PRKG2: variants seen among roughly 807,000 people sequenced by gnomAD.
PRKG2 encodes the protein cGMP-dependent protein kinase 2.
A neutral mutation model predicts 97.2 loss-of-function variants in PRKG2; 33 were observed. That is an observed-to-expected ratio of 0.34 (90% CI 0.26 to 0.45). The LOEUF (loss-of-function observed/expected upper bound fraction) is 0.45. Ranked by LOEUF, PRKG2 falls within the 20% of genes least tolerant of loss-of-function variation. PRKG2 has a pLI of 1.00. For missense variants in PRKG2, 638 were observed against 900.0 expected, an observed-to-expected ratio of 0.71 and a Z score of 3.73; for synonymous variants, 330 against 321.8, an observed-to-expected ratio of 1.03 and a Z score of -0.27.
intron 17 of PRKG2, among the ~76,000 whole-genome samples, chr4:81,098,015 T>C (rs1742300316): frequency 6.6e-6 from 1 of 152,154 alleles, no homozygotes; most frequent in Non-Finnish European, 1.5e-5. Context: ...ATTGAAGTAC[T>C]GATCTTGGGT....
chr4:81,091,725 C>T (rs1327063172), intron 18 of PRKG2, among the ~76,000 whole-genome samples: 1 of 152,122 alleles, frequency 6.6e-6, no homozygotes, highest in South Asian at 2.1e-4. Flanking sequence ...TTGGAAAAAA[C>T]ACTAACATAA....
rs374041902 is a variant in PRKG2, at chr4:81,174,767, T to C, written c.628+26A>G. ...CATAACAGGCAAAATATTTATTATATATCTGGAAAAATCTGTGAAACCCAC... is the reference window on the plus strand; with the variant it reads ...CATAACAGGCAAAATATTTATTATACATCTGGAAAAATCTGTGAAACCCAC... On this transcript the variant is annotated intron_variant, in intron 3 of 18. Transcript: ENST00000264399. 4 of 1,579,572 alleles carry C rather than the reference T, an allele frequency of 2.5e-6. No homozygotes were observed. In the African/African-American group the frequency reaches 5.5e-5, roughly 22 times the overall value.
At chr4:81,205,102 C>T (rs1753574591) in intron 1 of PRKG2, 42 bp from the exon 2 acceptor site, 2 of 1,277,686 alleles carry the variant, frequency 1.6e-6, no homozygotes, top group Non-Finnish European at 2.2e-6. Flanking sequence ...TGGAGTTTCA[C>T]TTCCCAACAG....
rs374022920 is a variant in PRKG2 at position 81,118,800 on chromosome 4, G to T, written c.1777-8189C>A. On this transcript the variant is annotated intron_variant, in intron 14 of 18. Coordinates refer to ENST00000264399, the MANE Select transcript of PRKG2 (RefSeq NM_006259.3). ...AAGTTTTCGTTTGGTTTGTTTGTTT[G>T]TTTGTTTGTTTTGAGACAGGGTCTC... Among the ~76,000 whole-genome samples the T allele has an allele frequency of 3.2e-4, 49 of 152,066 alleles. 1 individual carries two copies. Among genetic ancestry groups the T allele is most frequent in the African/African-American group, 1.1e-3 (45 of 41,492 alleles).
intron 18 of PRKG2, 85 bp downstream of exon 18, chr4:81,092,301 G>T: frequency 2.6e-6 from 2 of 782,226 alleles, no homozygotes; most frequent in Non-Finnish European, 4.0e-6. Flanking sequence ...TCTGTTATGG[G>T]CATATACATA....
At chr4:81,135,086 C>T (rs1292996430) in intron 14 of PRKG2, 69 bp downstream of exon 14, 2 of 1,429,198 alleles carry the variant, frequency 1.4e-6, no homozygotes, top group Non-Finnish European at 9.4e-7. Context: ...AAGAAAATTG[C>T]AACTAGAACA....
upstream of PRKG2, among the ~76,000 whole-genome samples, chr4:81,217,801 T>A (rs1354957196): frequency 6.6e-6 from 1 of 152,204 alleles, no homozygotes; most frequent in African/African-American, 2.4e-5. Context: ...GCTTAAATTA[T>A]AAGGAAACTT....
intron 3 of PRKG2, among the ~76,000 whole-genome samples, chr4:81,172,124 A>G (rs898939800): frequency 2.0e-5 from 3 of 152,026 alleles, no homozygotes; most frequent in African/African-American, 7.2e-5. Flanking sequence ...AACAATGGCT[A>G]GTGCATAGTA....
chr4:81,091,467 T>A (rs2109937326), intron 18 of PRKG2, among the ~76,000 whole-genome samples: 1 of 151,954 alleles, frequency 6.6e-6, no homozygotes, highest in African/African-American at 2.4e-5. Flanking sequence ...TTATTTTTAG[T>A]AGAGACAGGG....
intron 2 of PRKG2, among the ~76,000 whole-genome samples, chr4:81,185,106 C>T (rs1751755031): frequency 6.6e-6 from 1 of 152,118 alleles, no homozygotes; most frequent in South Asian, 2.1e-4. Context: ...GGGCAACAAT[C>T]AAATTCAGGA....
chr4:81,132,991 T>C (rs1173014854), intron 14 of PRKG2, among the ~76,000 whole-genome samples: 4 of 152,170 alleles, frequency 2.6e-5, no homozygotes, highest in Admixed American at 1.3e-4. Flanking sequence ...ATTCATGTTT[T>C]TTAATGCTGG....
chr4:81,173,802 A>G (rs2110086226), intron 3 of PRKG2: 1 of 152,204 alleles, frequency 6.6e-6, no homozygotes, highest in Admixed American at 6.5e-5. Flanking sequence ...AAGGAACAAG[A>G]ATAAAAGCAA....
intron 6 of PRKG2, among the ~76,000 whole-genome samples, chr4:81,156,388 A>C (rs1749095005): frequency 6.6e-6 from 1 of 152,194 alleles, no homozygotes; most frequent in Admixed American, 6.5e-5. Flanking sequence ...AACTATCCTA[A>C]ATATATATGC....
intron 6 of PRKG2, among the ~76,000 whole-genome samples, chr4:81,158,088 G>A (rs1332797086): frequency 6.8e-6 from 1 of 147,582 alleles, no homozygotes; most frequent in Admixed American, 6.6e-5. Context: ...AGGGCAATTA[G>A]GCAGGAGAAG....
At chr4:81,119,533 T>C (rs993980275) in intron 14 of PRKG2, among the ~76,000 whole-genome samples, 1 of 152,194 alleles carries the variant, frequency 6.6e-6, no homozygotes, top group Admixed American at 6.5e-5. Flanking sequence ...TGTCTTGACA[T>C]TGGGAAGTGT....
chr4:81,138,441 C>A (rs1373046658), intron 12 of PRKG2, among the ~76,000 whole-genome samples: 2 of 152,138 alleles, frequency 1.3e-5, no homozygotes, highest in Non-Finnish European at 2.9e-5. Flanking sequence ...GCTGCCAAGG[C>A]TTGAATCCAG....
chr4:81,194,403 C>CAA (rs200600688), intron 2 of PRKG2, among the ~76,000 whole-genome samples: 1 of 127,282 alleles, frequency 7.9e-6, no homozygotes, highest in Non-Finnish European at 1.7e-5. Context: ...AGTGATGAAC[C>CAA]AAAAAAAAAA....
intron 9 of PRKG2, among the ~76,000 whole-genome samples, chr4:81,148,366 C>T (rs1260515055): frequency 6.6e-6 from 1 of 152,030 alleles, no homozygotes; most frequent in Non-Finnish European, 1.5e-5. Flanking sequence ...TAAAATGAGA[C>T]TTATTTTGAA....
At chr4:81,147,950 G>T (rs1748016015) in intron 9 of PRKG2, among the ~76,000 whole-genome samples, 2 of 152,044 alleles carry the variant, frequency 1.3e-5, no homozygotes, top group African/African-American at 2.4e-5. Flanking sequence ...TGGTAAAGGG[G>T]TATAGATAAG....
Sources: gnomAD v4.1 joint callset for allele counts (sites outside exome capture counted in the v4.1 genomes callset) on GRCh38, gnomAD v4.1.1 for gene constraint, MANE v1.5 for transcripts, NCBI Gene and HGNC (gene_info 2026-07-23, HGNC 2026-07-21) for gene names.